Variants in PHIP observed in about 807,000 individuals in gnomAD.
PHIP encodes PHIP subunit of CUL4-Ring ligase complex.
A neutral mutation model predicts 236.8 loss-of-function variants in PHIP; 54 were observed. The ratio of observed to expected loss-of-function variants is 0.23; its 90% CI spans 0.18 to 0.29. The LOEUF is 0.29. PHIP is among the 10% of genes least tolerant of loss of function. The pLI, the probability that PHIP is intolerant of heterozygous loss-of-function variation, is 1.00. For missense variants in PHIP, 1,370 were observed against 2,190.8 expected (o/e 0.63, Z 7.48); for synonymous variants, 756 against 718.9 (o/e 1.05, Z -0.83).
At chr6:79,031,818 A>AT (rs1286627149) in intron 7 of PHIP, among the ~76,000 whole-genome samples, 1 of 152,230 alleles carries the variant, frequency 6.6e-6, no homozygotes, top group Admixed American at 6.5e-5. Context: ...ATTTCTTACT[A>AT]TAAGCAATTA....
intron 30 of PHIP, 108 bp from the exon 31 acceptor site, chr6:78,961,918 A>AGTCTGCCAC: frequency 1.3e-6 from 1 of 766,874 alleles, no homozygotes; most frequent in Non-Finnish European, 2.1e-6. Context: ...CATAATCATT[A>AGTCTGCCAC]GTCTGCCACT....
Position 79,027,266 on chromosome 6 carries a change from G to A in PHIP, c.601-1102C>T, listed in dbSNP as rs562259177. ...GTATCTTAAATCAGACTCTGCCAATGATACCTAAAACACCCCCCAATTAAC... is the reference window on the plus strand; with the variant it reads ...GTATCTTAAATCAGACTCTGCCAATAATACCTAAAACACCCCCCAATTAAC... On this transcript the variant is annotated intron_variant, in intron 7 of 39. Coordinates refer to ENST00000275034, the MANE Select transcript of PHIP (RefSeq NM_017934.7). Among the ~76,000 whole-genome samples, 6 of 152,160 alleles carry A rather than the reference G, an allele frequency of 3.9e-5. No individual in the cohort carries two copies. In the South Asian group the frequency reaches 1.2e-3, roughly 32 times the overall value.
intron 7 of PHIP, among the ~76,000 whole-genome samples, chr6:79,034,186 T>C (rs1293155182): frequency 1.3e-5 from 2 of 152,196 alleles, no homozygotes; most frequent in Admixed American, 6.6e-5. Flanking sequence ...AGACTTGCTT[T>C]ACTCAGGGTT....
intron 9 of PHIP, among the ~76,000 whole-genome samples, chr6:79,023,363 C>T (rs1382470984): frequency 6.6e-6 from 1 of 152,010 alleles, no homozygotes; most frequent in Non-Finnish European, 1.5e-5. Context: ...CTCCCAAAGT[C>T]CTGGGATTAG....
rs370643146 is a variant in PHIP, at chr6:78,985,433, G to A, written c.2461-5C>T. On this transcript the variant is annotated splice_polypyrimidine_tract_variant and splice_region_variant and intron_variant, in intron 21 of 39. Transcript: ENST00000275034. The stretch of plus-strand genomic sequence containing the variant: ...GACAGCAACTACTTCGCCTTCCTAA[G>A]ATATGTTGAATACATGTCTTATTGC... 6.0e-6 allele frequency: 9 copies of A among 1,496,938 alleles called. No homozygotes were observed. In the African/African-American group the frequency reaches 8.3e-5, roughly 14 times the overall value. 92.7% of individuals were successfully genotyped at this position (1,496,938 alleles called of 1,614,324 possible). A position where few individuals can be genotyped will look rare whatever the true frequency, so the allele number is the denominator to read the frequency against.
At chr6:78,955,735 T>G (rs1766378663) in intron 32 of PHIP, 53 bp from the exon 33 acceptor site, 2 of 657,006 alleles carry the variant, frequency 3.0e-6, no homozygotes, top group African/African-American at 3.7e-5. Context: ...ATAATTTTTT[T>G]CCTTAAAAAT....
rs775727691 is a variant in PHIP, at chr6:78,985,445, A to G, written c.2461-17T>C. On this transcript the variant is annotated splice_polypyrimidine_tract_variant and intron_variant, in intron 21 of 39. Coordinates refer to ENST00000275034, the MANE Select transcript of PHIP (RefSeq NM_017934.7). ...TTCGCCTTCCTAAGATATGTTGAAT[A>G]CATGTCTTATTGCATAATTTTATAA... 9 of 1,294,298 alleles carry G rather than the reference A, an allele frequency of 7.0e-6. No homozygotes were observed. In the South Asian group the frequency reaches 7.2e-5, roughly 10 times the overall value. The allele number at this position is 1,294,298 out of a possible 1,614,324, so 80.2% of individuals were successfully genotyped here.
chr6:78,979,652 ACTTT>A (rs1582158774), intron 23 of PHIP, among the ~76,000 whole-genome samples: 2 of 152,108 alleles, frequency 1.3e-5, no homozygotes, highest in African/African-American at 4.8e-5. Flanking sequence ...AAAAAAATGA[ACTTT>A]CTAAGAACAT....
intron 19 of PHIP, among the ~76,000 whole-genome samples, chr6:78,996,737 T>G (rs1192237263): frequency 6.6e-6 from 1 of 152,176 alleles, no homozygotes; most frequent in Non-Finnish European, 1.5e-5. Flanking sequence ...TACTATCTTC[T>G]GAGTTGAAGA....
chr6:78,975,796 A>AC (rs1445161233), intron 24 of PHIP, among the ~76,000 whole-genome samples: 3 of 151,450 alleles, frequency 2.0e-5, no homozygotes, highest in Admixed American at 2.0e-4. Context: ...AGAATAAAAT[A>AC]CCTAGGAATC....
intron 4 of PHIP, among the ~76,000 whole-genome samples, chr6:79,062,882 TCTCA>T: frequency 6.6e-6 from 1 of 152,238 alleles, no homozygotes; most frequent in East Asian, 1.9e-4. Context: ...TCAGTCTATG[TCTCA>T]CTCACTGCCT....
intron 8 of PHIP, 94 bp downstream of exon 8, chr6:79,025,849 T>C: frequency 1.1e-6 from 1 of 951,458 alleles, no homozygotes; most frequent in East Asian, 2.6e-5. Context: ...AAAAGTAACT[T>C]CTTAAAATTT....
At chr6:79,000,830 C>T (rs1769939017) in intron 17 of PHIP, among the ~76,000 whole-genome samples, 1 of 152,070 alleles carries the variant, frequency 6.6e-6, no homozygotes, top group Admixed American at 6.6e-5. Flanking sequence ...CAGATAAGTC[C>T]ACTGGACTGC....
chr6:79,066,951 C>T (rs1442806867), intron 4 of PHIP, among the ~76,000 whole-genome samples: 3 of 152,138 alleles, frequency 2.0e-5, no homozygotes, highest in Non-Finnish European at 4.4e-5. Flanking sequence ...CTAGGGGGCA[C>T]AGTCACAGCT....
At chr6:79,010,700 A>T (rs912452175) in intron 15 of PHIP, among the ~76,000 whole-genome samples, 1 of 151,872 alleles carries the variant, frequency 6.6e-6, no homozygotes, top group Admixed American at 6.6e-5. Flanking sequence ...GAAATAAAGC[A>T]AAACCGCCAG....
intron 6 of PHIP, among the ~76,000 whole-genome samples, chr6:79,058,114 A>G (rs563464911): frequency 3.3e-5 from 5 of 152,116 alleles, no homozygotes; most frequent in African/African-American, 1.2e-4. Context: ...ATCACAATGG[A>G]AGAGAGAGAG....
chr6:79,001,856 T>C, intron 17 of PHIP, 43 bp downstream of exon 17: 6 of 1,284,874 alleles, frequency 4.7e-6, no homozygotes, highest in Non-Finnish European at 6.8e-6. Flanking sequence ...AACAGTTCGG[T>C]GGGAAGAAGA....
intron 4 of PHIP, chr6:79,067,810 C>T (rs938886942): frequency 1.4e-4 from 22 of 153,228 alleles, no homozygotes; most frequent in African/African-American, 5.3e-4. Flanking sequence ...CTGTATCATC[C>T]CTTTTCCAGA....
intron 16 of PHIP, 73 bp from the exon 17 acceptor site, chr6:79,002,197 T>A (rs1217861964): frequency 9.9e-7 from 1 of 1,006,204 alleles, no homozygotes; most frequent in Non-Finnish European, 1.5e-6. Flanking sequence ...TCTACATCAT[T>A]TCTAATAGAA....
Sources: allele counts gnomAD v4.1 joint callset (sites outside exome capture counted in the v4.1 genomes callset), GRCh38; gene constraint gnomAD v4.1.1; transcripts MANE v1.5; gene names NCBI Gene and HGNC (gene_info 2026-07-23, HGNC 2026-07-21).